FBXO25: variants seen among roughly 807,000 people sequenced by gnomAD.
FBXO25 encodes the protein F-box only protein 25.
FBXO25 carries 45 observed loss-of-function variants against 51.9 expected under a neutral mutation model. That is an observed-to-expected ratio of 0.87 (90% CI 0.68 to 1.11). The LOEUF is 1.11. Ranked by LOEUF, FBXO25 falls within the 50% of genes most tolerant of loss-of-function variation. FBXO25 has a pLI of 0.00. For missense variants in FBXO25, 507 were observed against 428.5 expected, an observed-to-expected ratio of 1.18 and a Z score of -1.62; for synonymous variants, 199 against 151.0, an observed-to-expected ratio of 1.32 and a Z score of -2.33.
chr8:427,064 A>G (rs1394724341), intron 2 of FBXO25, among the ~76,000 whole-genome samples: 3 of 151,232 alleles, frequency 2.0e-5, no homozygotes, highest in Admixed American at 2.0e-4. Context: ...AAACGTAAAC[A>G]TTTGCCTACC....
intron 1 of FBXO25, among the ~76,000 whole-genome samples, chr8:408,718 A>T (rs1796316701): frequency 6.6e-6 from 1 of 152,206 alleles, no homozygotes; most frequent in African/African-American, 2.4e-5. Context: ...TCCACCAGCA[A>T]ATGAACTTCA....
rs1260474635 is a variant in FBXO25, at chr8:474,490, TG to T, written c.*5688del. The T allele has an allele frequency of 2.7e-5, 9 of 334,210 alleles. 1 individual carries two copies. Among genetic ancestry groups the T allele is most frequent in the South Asian group, 1.4e-4 (6 of 41,844 alleles). 20.7% of individuals were successfully genotyped at this position (334,210 alleles called of 1,614,324 possible). A position where few individuals can be genotyped will look rare whatever the true frequency, so the allele number is the denominator to read the frequency against. ...GCACTGCCATAAGTGTTTTACACGG[TG>T]GCTGCACCATTTTACATTCCCACTG... On this transcript the variant is annotated 3_prime_UTR_variant, in exon 10 of 10. Transcript: ENST00000350302.
chr8:409,358 G>T (rs1475616244), intron 1 of FBXO25, among the ~76,000 whole-genome samples: 1 of 152,128 alleles, frequency 6.6e-6, no homozygotes, highest in Non-Finnish European at 1.5e-5. Context: ...AAGCCTTTGG[G>T]CATGGACTAT....
intron 5 of FBXO25, among the ~76,000 whole-genome samples, chr8:440,029 C>T (rs1433171246): frequency 6.6e-6 from 1 of 152,200 alleles, no homozygotes; most frequent in African/African-American, 2.4e-5. Context: ...TTAATAGCAG[C>T]AGCCTCACAG....
At chr8:459,107 G>T in intron 8 of FBXO25, among the ~76,000 whole-genome samples, 1 of 152,206 alleles carries the variant, frequency 6.6e-6, no homozygotes, top group East Asian at 1.9e-4. Context: ...ATGAGACCCT[G>T]TGGTCCCTGT....
At chr8:454,687 A>G (rs376417226) in intron 7 of FBXO25, among the ~76,000 whole-genome samples, 2 of 152,064 alleles carry the variant, frequency 1.3e-5, no homozygotes, top group East Asian at 3.9e-4. Flanking sequence ...GTCAAGAGAT[A>G]GAGACCATGC....
intron 2 of FBXO25, among the ~76,000 whole-genome samples, chr8:413,559 G>A (rs11775137): frequency 0.19 from 29,254 of 152,064 alleles, 3,903 homozygotes; most frequent in African/African-American, 0.38. Context: ...GCTTACACAA[G>A]ACAAATCAGT....
At position 469,368 on chromosome 8, in the gene FBXO25, G is replaced by T. The variant is rs1050909; in HGVS notation, c.*564G>T. 54,981 of 152,650 alleles carry T rather than the reference G, an allele frequency of 0.36. 11,573 individuals carry two copies. Among genetic ancestry groups the T allele is most frequent in the African/African-American group, 0.59 (24,272 of 41,460 alleles). 9.5% of individuals were successfully genotyped at this position (152,650 alleles called of 1,614,324 possible). A position where few individuals can be genotyped will look rare whatever the true frequency, so the allele number is the denominator to read the frequency against. On this transcript the variant is annotated 3_prime_UTR_variant, in exon 10 of 10. Transcript: ENST00000350302. ...TAGGGATTATGGATCGGGGTATGAAGTGTGCACACGCAGCCCAACAACGGG... is the reference window on the plus strand; with the variant it reads ...TAGGGATTATGGATCGGGGTATGAATTGTGCACACGCAGCCCAACAACGGG...
intron 9 of FBXO25, among the ~76,000 whole-genome samples, chr8:464,667 C>T (rs2116837957): frequency 6.6e-6 from 1 of 152,262 alleles, no homozygotes; most frequent in Non-Finnish European, 1.5e-5. Context: ...TTTTTCATTT[C>T]AAATTACATT....
At chr8:444,052 A>G (rs1181537375) in intron 5 of FBXO25, among the ~76,000 whole-genome samples, 1 of 152,156 alleles carries the variant, frequency 6.6e-6, no homozygotes, top group Non-Finnish European at 1.5e-5. Context: ...TCTCATCTCT[A>G]GAGCAGGGAT....
chr8:415,841 TA>T (rs1296594126), intron 2 of FBXO25, among the ~76,000 whole-genome samples: 1 of 152,232 alleles, frequency 6.6e-6, no homozygotes, highest in East Asian at 1.9e-4. Flanking sequence ...AGTGTCTAAA[TA>T]CTATATATCT....
chr8:461,299 C>T (rs1045964070), intron 8 of FBXO25, among the ~76,000 whole-genome samples: 9 of 152,186 alleles, frequency 5.9e-5, no homozygotes, highest in Admixed American at 5.2e-4. Context: ...CAATAAAAGA[C>T]ATACCCGAGA....
intron 4 of FBXO25, among the ~76,000 whole-genome samples, chr8:433,526 G>A (rs2117634709): frequency 6.6e-6 from 1 of 152,280 alleles, no homozygotes; most frequent in Admixed American, 6.5e-5. Flanking sequence ...GGTTTGTGCA[G>A]AGCTGTGTGA....
At chr8:465,210 A>G (rs1800073952) in intron 9 of FBXO25, among the ~76,000 whole-genome samples, 1 of 152,162 alleles carries the variant, frequency 6.6e-6, no homozygotes, top group Non-Finnish European at 1.5e-5. Flanking sequence ...CTTCTGTGTA[A>G]TTCCTTCTAG....
intron 2 of FBXO25, among the ~76,000 whole-genome samples, chr8:428,604 A>T (rs978148251): frequency 6.6e-6 from 1 of 152,182 alleles, no homozygotes; most frequent in African/African-American, 2.4e-5. Flanking sequence ...TGTTAAGTAC[A>T]TTCACACTAT....
chr8:410,264 TTGTG>T (rs1260397943), intron 1 of FBXO25, among the ~76,000 whole-genome samples: 1 of 152,344 alleles, frequency 6.6e-6, no homozygotes, highest in African/African-American at 2.4e-5. Flanking sequence ...TGTATGGAAT[TTGTG>T]TGTGTTTTGC....
chr8:451,886 C>G (rs1285276783), intron 7 of FBXO25, among the ~76,000 whole-genome samples: 1 of 152,132 alleles, frequency 6.6e-6, no homozygotes, highest in East Asian at 1.9e-4. Flanking sequence ...CAACAGTGAA[C>G]AAGGCCAAAA....
chr8:458,261 T>G, intron 7 of FBXO25, 108 bp from the exon 8 acceptor site: 3 of 1,286,536 alleles, frequency 2.3e-6, no homozygotes, highest in Non-Finnish European at 3.3e-6. Context: ...GAGAGCTCTT[T>G]TTGTGTTACC....
At chr8:411,302 C>G (rs1850934196) in intron 1 of FBXO25, among the ~76,000 whole-genome samples, 1 of 152,190 alleles carries the variant, frequency 6.6e-6, no homozygotes, top group African/African-American at 2.4e-5. Context: ...TCGACCATTT[C>G]TTTCCTGAAA....
Sources: gnomAD v4.1 joint callset for allele counts (sites outside exome capture counted in the v4.1 genomes callset) on GRCh38, gnomAD v4.1.1 for gene constraint, MANE v1.5 for transcripts, NCBI Gene and HGNC (gene_info 2026-07-23, HGNC 2026-07-21) for gene names.